GNA11: variants seen among roughly 807,000 people sequenced by gnomAD.
The protein encoded by GNA11 is guanine nucleotide-binding protein subunit alpha-11.
GNA11 carries 8 observed loss-of-function variants against 38.2 expected under a neutral mutation model. The ratio of observed to expected loss-of-function variants is 0.21; its 90% CI spans 0.12 to 0.38. The LOEUF (loss-of-function observed/expected upper bound fraction) is 0.38. Among genes scored for constraint, GNA11 ranks in the 10% least tolerant of loss-of-function variants. GNA11 has a pLI of 1.00. For synonymous variants in GNA11, 211 were observed against 221.4 expected, an observed-to-expected ratio of 0.95 and a Z score of 0.42; for missense variants, 268 against 516.3, an observed-to-expected ratio of 0.52 and a Z score of 4.66.
chr19:3,105,144 G>T (rs994535814), intron 1 of GNA11, among the ~76,000 whole-genome samples: 1 of 152,124 alleles, frequency 6.6e-6, no homozygotes, highest in African/African-American at 2.4e-5. Flanking sequence ...CGTGGAGTGC[G>T]TGCTCCCCTG....
intron 1 of GNA11, among the ~76,000 whole-genome samples, chr19:3,102,099 AAAAC>A (rs761767188): frequency 1.4e-4 from 21 of 151,990 alleles, no homozygotes; most frequent in South Asian, 4.2e-4. Flanking sequence ...TTCTGTCTCA[AAAAC>A]AAACAAACAA....
intron 2 of GNA11, among the ~76,000 whole-genome samples, chr19:3,111,746 G>A (rs1366946290): frequency 6.6e-6 from 1 of 152,258 alleles, no homozygotes; most frequent in African/African-American, 2.4e-5. Context: ...CGTCCAGAGA[G>A]TTTGCCCCAG....
intron 3 of GNA11, among the ~76,000 whole-genome samples, chr19:3,114,663 C>T (rs529882777): frequency 9.2e-5 from 14 of 152,318 alleles, no homozygotes; most frequent in Admixed American, 4.6e-4. Flanking sequence ...ACAAACCCCC[C>T]GAACCAGCTG....
At chr19:3,112,661 G>A (rs1913802969) in intron 2 of GNA11, among the ~76,000 whole-genome samples, 1 of 152,278 alleles carries the variant, frequency 6.6e-6, no homozygotes, top group Non-Finnish European at 1.5e-5. Flanking sequence ...GCCGCCCAGG[G>A]TTCCGTGAGG....
intron 2 of GNA11, among the ~76,000 whole-genome samples, chr19:3,111,709 G>A (rs574582592): frequency 6.6e-6 from 1 of 152,378 alleles, no homozygotes; most frequent in East Asian, 1.9e-4. Flanking sequence ...GGGTCCCAGG[G>A]TGACTCTGGC....
Position 3,107,403 on chromosome 19 carries a change from A to G in GNA11, c.137-2746A>G, listed in dbSNP as rs1913664434. On this transcript the variant is annotated intron_variant, in intron 1 of 6. Transcript: ENST00000078429. ...AGTTGAGATGTTTATGGCCTGAGGGACCTTGTGTCTTGGGTGCAAAGTTAC... is the reference window on the plus strand; with the variant it reads ...AGTTGAGATGTTTATGGCCTGAGGGGCCTTGTGTCTTGGGTGCAAAGTTAC... 2.0e-5 allele frequency among the ~76,000 whole-genome samples: 3 copies of G among 151,994 alleles called. No individual in the cohort carries two copies. In the South Asian group the frequency reaches 6.2e-4, roughly 32 times the overall value.
At chr19:3,109,304 G>A (rs1163706480) in intron 1 of GNA11, among the ~76,000 whole-genome samples, 9 of 152,192 alleles carry the variant, frequency 5.9e-5, no homozygotes, top group Non-Finnish European at 1.2e-4. Context: ...AATGTGTGGG[G>A]GGCTCATCTG....
chr19:3,104,580 G>A (rs1197432744), intron 1 of GNA11, among the ~76,000 whole-genome samples: 4 of 152,228 alleles, frequency 2.6e-5, no homozygotes, highest in Admixed American at 6.5e-5. Context: ...GGTCCATCCT[G>A]ACGGGCACTG....
At chr19:3,098,956 G>T (rs1214198739) in intron 1 of GNA11, among the ~76,000 whole-genome samples, 2 of 152,196 alleles carry the variant, frequency 1.3e-5, no homozygotes, top group Admixed American at 1.3e-4. Context: ...GGCATGGTCC[G>T]GGAAGCTCCG....
intron 1 of GNA11, among the ~76,000 whole-genome samples, chr19:3,103,690 T>A (rs1028714666): frequency 6.6e-6 from 1 of 151,530 alleles, no homozygotes; most frequent in Non-Finnish European, 1.5e-5. Context: ...CACACCCAGC[T>A]AATTTTTTTT....
intron 4 of GNA11, 75 bp downstream of exon 4, chr19:3,115,147 C>G (rs531375876): frequency 6.5e-7 from 1 of 1,527,706 alleles, no homozygotes; most frequent in African/African-American, 1.4e-5. Context: ...CTCATGCCTG[C>G]GCACCCAGTG....
rs548658026 is a variant in GNA11 at position 3,105,292 on chromosome 19, G to C, written c.137-4857G>C. Among the ~76,000 whole-genome samples, 75 of 152,016 alleles carry C rather than the reference G, an allele frequency of 4.9e-4. 1 individual carries two copies. Among genetic ancestry groups the C allele is most frequent in the Non-Finnish European group, 5.0e-4 (34 of 68,012 alleles). On this transcript the variant is annotated intron_variant, in intron 1 of 6. Transcript: ENST00000078429. ...TTTTGTCACCGTCTCAGTCAGCTCGGGCTGCTGTGACAATACTGCAGGCAC... is the reference window on the plus strand; with the variant it reads ...TTTTGTCACCGTCTCAGTCAGCTCGCGCTGCTGTGACAATACTGCAGGCAC...
rs185778012 is a variant in GNA11, at chr19:3,096,793, C to G, written c.136+2006C>G. Among the ~76,000 whole-genome samples the G allele has an allele frequency of 7.6e-4, 115 of 151,326 alleles. 1 individual carries two copies. Among genetic ancestry groups the G allele is most frequent in the Admixed American group, 1.2e-3 (19 of 15,226 alleles). ...CTGTCAGGCTCAGGGCCAGGCGTGG[C>G]AGATAGGACAGTGAGGAAGATGTGA... On this transcript the variant is annotated intron_variant, in intron 1 of 6. Transcript: ENST00000078429.
At chr19:3,107,441 C>T (rs1256500401) in intron 1 of GNA11, among the ~76,000 whole-genome samples, 1 of 152,164 alleles carries the variant, frequency 6.6e-6, no homozygotes, top group Non-Finnish European at 1.5e-5. Context: ...AGGGGCGGCG[C>T]CTTCTGACCC....
At position 3,123,232 on chromosome 19, in the gene GNA11, G is replaced by T; in HGVS notation, c.*2053G>T. Reference sequence around the variant, plus strand: ...TGGAGTCGCCCAGCACGCAGGCCGGGGCGCTGCGGGGCTAAGTATTAGGCC... The same window carrying T: ...TGGAGTCGCCCAGCACGCAGGCCGGTGCGCTGCGGGGCTAAGTATTAGGCC... On this transcript the variant is annotated 3_prime_UTR_variant, in exon 7 of 7. Coordinates refer to ENST00000078429, the MANE Select transcript of GNA11 (RefSeq NM_002067.5). The T allele has an allele frequency of 4.3e-6, 1 of 233,342 alleles. No individual in the cohort carries two copies. The allele number at this position is 233,342 out of a possible 1,614,324, so 14.5% of individuals were successfully genotyped here. A position where few individuals can be genotyped will look rare whatever the true frequency, so the allele number is the denominator to read the frequency against.
At chr19:3,104,295 G>T (rs62127272) in intron 1 of GNA11, among the ~76,000 whole-genome samples, 1 of 152,226 alleles carries the variant, frequency 6.6e-6, no homozygotes, top group African/African-American at 2.4e-5. Flanking sequence ...GGGTCCAGTC[G>T]GGAGGGTGGT....
chr19:3,114,305 G>A (rs1913852338), intron 3 of GNA11, among the ~76,000 whole-genome samples: 1 of 152,174 alleles, frequency 6.6e-6, no homozygotes, highest in Admixed American at 6.5e-5. Context: ...GCCCCACTCA[G>A]GACTGCCCAG....
chr19:3,111,554 C>T (rs1476356244), intron 2 of GNA11, among the ~76,000 whole-genome samples: 1 of 151,956 alleles, frequency 6.6e-6, no homozygotes, highest in African/African-American at 2.4e-5. Context: ...GCGTATTTGC[C>T]CATTTATCCC....
In GNA11 at chr19:3,094,879, A is replaced by G. The variant is rs1160301765; in HGVS notation, c.136+92A>G. 1 of 978,094 alleles carries G rather than the reference A, an allele frequency of 1.0e-6. No homozygotes were observed. The highest frequency in any genetic ancestry group is 3.3e-5 in the East Asian group (1 of 30,220). 60.6% of individuals were successfully genotyped at this position (978,094 alleles called of 1,614,324 possible). ...GGTCGGGCCGGGACCCTCCGGGGTC[A>G]GCCCTGCCTGTGCCGTCCGGGTCGC... On this transcript the variant is annotated intron_variant, in intron 1 of 6. Coordinates refer to ENST00000078429, the MANE Select transcript of GNA11 (RefSeq NM_002067.5). This position sits in a 1 kb window ranked among gnomAD's most constrained non-coding sequence, Gnocchi z 6.0.
Sources: allele counts gnomAD v4.1 joint callset (sites outside exome capture counted in the v4.1 genomes callset), GRCh38; gene constraint gnomAD v4.1.1; non-coding constraint Gnocchi (gnomAD v3.1); transcripts MANE v1.5; gene names NCBI Gene and HGNC (gene_info 2026-07-23, HGNC 2026-07-21).